Variants in ZMYND11 observed in about 807,000 individuals in gnomAD.
The protein encoded by ZMYND11 is zinc finger MYND-type containing 11, also known as zinc finger MYND domain-containing protein 11.
ZMYND11 carries 9 observed loss-of-function variants against 84.9 expected under a neutral mutation model. The ratio of observed to expected loss-of-function variants is 0.11; its 90% CI spans 0.06 to 0.18. The LOEUF is 0.18. Among genes scored for constraint, ZMYND11 ranks in the 10% least tolerant of loss-of-function variants. The pLI, the probability that ZMYND11 is intolerant of heterozygous loss-of-function variation, is 1.00. For synonymous variants in ZMYND11, 250 were observed against 244.1 expected, an observed-to-expected ratio of 1.02 and a Z score of -0.23; for missense variants, 409 against 761.0, an observed-to-expected ratio of 0.54 and a Z score of 5.44.
At position 236,662 on chromosome 10, in the gene ZMYND11, T is replaced by G. The variant is rs186627604; in HGVS notation, c.439-176T>G. ...TTTTAAAGTTCTCACCTTGTTACAT[T>G]AGATGCTGTTTTTTTTATGCAAATG... On this transcript the variant is annotated intron_variant, in intron 4 of 14. Coordinates refer to ENST00000381604, the MANE Select transcript of ZMYND11 (RefSeq NM_001370100.5). Among the ~76,000 whole-genome samples the G allele has an allele frequency of 1.8e-3, 279 of 152,348 alleles. 2 individuals are homozygous for G. The highest frequency in any genetic ancestry group is 6.5e-3 in the African/African-American group (269 of 41,586).
At chr10:187,928 T>C (rs1226004719) in intron 2 of ZMYND11, among the ~76,000 whole-genome samples, 1 of 152,236 alleles carries the variant, frequency 6.6e-6, no homozygotes, top group Non-Finnish European at 1.5e-5. Context: ...TATTTTGTGA[T>C]GTTTAATCAT....
chr10:230,519 C>CT (rs1948855183), intron 4 of ZMYND11, among the ~76,000 whole-genome samples: 1 of 149,476 alleles, frequency 6.7e-6, no homozygotes, highest in Non-Finnish European at 1.5e-5. Context: ...CTCCAGGGTT[C>CT]TACCCCAGAC....
chr10:172,375 C>G (rs1845547553), intron 1 of ZMYND11, among the ~76,000 whole-genome samples: 1 of 152,108 alleles, frequency 6.6e-6, no homozygotes, highest in Non-Finnish European at 1.5e-5. Flanking sequence ...AACAAAAACA[C>G]CCTGGAACTA....
chr10:153,351 C>G (rs958420102), intron 1 of ZMYND11, among the ~76,000 whole-genome samples: 1 of 152,070 alleles, frequency 6.6e-6, no homozygotes, highest in Non-Finnish European at 1.5e-5. Context: ...TCATCTGTTT[C>G]TTCAATTTTT....
intron 1 of ZMYND11, among the ~76,000 whole-genome samples, chr10:162,508 G>A (rs1843147150): frequency 6.6e-6 from 1 of 151,778 alleles, no homozygotes; most frequent in East Asian, 1.9e-4. Context: ...AATGAGTTAT[G>A]CCTGTATATT....
At chr10:201,309 G>T (rs1234983814) in intron 2 of ZMYND11, among the ~76,000 whole-genome samples, 6 of 152,142 alleles carry the variant, frequency 3.9e-5, no homozygotes. Flanking sequence ...GGGACAAGAA[G>T]ACATCACAGG....
intron 14 of ZMYND11, chr10:249,812 C>T: frequency 4.2e-6 from 4 of 946,526 alleles, no homozygotes; most frequent in Non-Finnish European, 5.0e-6. Flanking sequence ...TTTTATCAAG[C>T]CTATATTATA....
intron 1 of ZMYND11, among the ~76,000 whole-genome samples, chr10:139,124 T>C (rs915035717): frequency 2.6e-5 from 4 of 152,214 alleles, no homozygotes; most frequent in African/African-American, 9.7e-5. Flanking sequence ...CTTTGATGAA[T>C]GATATTATTA....
At position 240,980 on chromosome 10, in the gene ZMYND11, A is replaced by G. The variant is rs372058322; in HGVS notation, c.831+10A>G. The G allele has an allele frequency of 2.9e-5, 47 of 1,608,876 alleles. No individual in the cohort carries two copies. Among genetic ancestry groups the G allele is most frequent in the Middle Eastern group, 3.3e-4 (2 of 6,054 alleles). On this transcript the variant is annotated intron_variant, in intron 9 of 14. Transcript: ENST00000381604. ...GTTCTGTTATCCTTGTGTATGTGAAATTTTTACCTCAAGTGTGTAACATAC... is the reference window on the plus strand; with the variant it reads ...GTTCTGTTATCCTTGTGTATGTGAAGTTTTTACCTCAAGTGTGTAACATAC...
chr10:181,707 C>T (rs1847921222), intron 2 of ZMYND11, among the ~76,000 whole-genome samples: 1 of 152,116 alleles, frequency 6.6e-6, no homozygotes, highest in Non-Finnish European at 1.5e-5. Context: ...GGCTCCAATT[C>T]TGTACTCGCC....
At chr10:157,465 G>T (rs571770648) in intron 1 of ZMYND11, among the ~76,000 whole-genome samples, 25 of 152,292 alleles carry the variant, frequency 1.6e-4, no homozygotes, top group Non-Finnish European at 2.9e-4. Context: ...CTCCCAAAGT[G>T]CTGGGATGAC....
At chr10:158,907 A>C (rs980850610) in intron 1 of ZMYND11, among the ~76,000 whole-genome samples, 8 of 144,448 alleles carry the variant, frequency 5.5e-5, no homozygotes, top group African/African-American at 2.1e-4. Context: ...TAATTGCGTT[A>C]TCTGTATTTC....
At chr10:234,497 AAT>A (rs763593417) in intron 4 of ZMYND11, among the ~76,000 whole-genome samples, 1 of 152,228 alleles carries the variant, frequency 6.6e-6, no homozygotes, top group East Asian at 1.9e-4. Flanking sequence ...TCCTTTGAAT[AAT>A]ATGTTTCCTA....
intron 2 of ZMYND11, among the ~76,000 whole-genome samples, chr10:186,530 A>G (rs1160150986): frequency 1.3e-5 from 2 of 151,494 alleles, no homozygotes; most frequent in African/African-American, 4.8e-5. Context: ...AGTCCCAGCT[A>G]CTTGGGAGGC....
chr10:240,396 C>T (rs1001367295), intron 8 of ZMYND11, among the ~76,000 whole-genome samples: 20 of 152,146 alleles, frequency 1.3e-4, no homozygotes, highest in East Asian at 7.7e-4. Context: ...CCCAGCTACT[C>T]GGGAGGCTGA....
chr10:188,678 A>C (rs1251770266), intron 2 of ZMYND11, among the ~76,000 whole-genome samples: 1 of 152,020 alleles, frequency 6.6e-6, no homozygotes, highest in African/African-American at 2.4e-5. Context: ...TTTAGTATCC[A>C]TTAAAAACAA....
intron 1 of ZMYND11, among the ~76,000 whole-genome samples, chr10:169,393 A>G (rs577727343): frequency 6.6e-6 from 1 of 152,296 alleles, no homozygotes; most frequent in African/African-American, 2.4e-5. Flanking sequence ...CCTTTCAGCA[A>G]AAAATCACAA....
At position 145,172 on chromosome 10, in the gene ZMYND11, ATGTGTATATATGTGTATATACATATGTG is replaced by A. The variant is rs1564259981; in HGVS notation, c.-20+9625_-20+9652del. 5.3e-5 allele frequency among the ~76,000 whole-genome samples: 8 copies of A among 150,552 alleles called. No homozygotes were observed. The South Asian group carries it at 1.7e-3, about 31-fold the overall frequency. Reference sequence around the variant, plus strand: ...TATATATATATGTGTGTGTATATATATGTGTATATATGTGTATATACATATGTGTGTGTATATATATGTATATATGTGT... The same window carrying A: ...TATATATATATGTGTGTGTATATATATGTGTATATATATGTATATATGTGT... On this transcript the variant is annotated intron_variant, in intron 1 of 14. Coordinates refer to ENST00000381604, the MANE Select transcript of ZMYND11 (RefSeq NM_001370100.5).
intron 1 of ZMYND11, among the ~76,000 whole-genome samples, chr10:137,239 A>G (rs1342293065): frequency 6.6e-6 from 1 of 152,030 alleles, no homozygotes; most frequent in Non-Finnish European, 1.5e-5. Flanking sequence ...TGGGTCATAT[A>G]CAGTGTGTAC....
Sources: allele counts gnomAD v4.1 joint callset (sites outside exome capture counted in the v4.1 genomes callset), GRCh38; gene constraint gnomAD v4.1.1; transcripts MANE v1.5; gene names NCBI Gene and HGNC (gene_info 2026-07-23, HGNC 2026-07-21).